The following INSR variants were observed in gnomAD, a reference collection of about 807,000 sequenced individuals.
INSR encodes IR.
A neutral mutation model predicts 142.6 loss-of-function variants in INSR; 67 were observed. The ratio of observed to expected loss-of-function variants is 0.47; its 90% CI spans 0.39 to 0.58. The LOEUF (loss-of-function observed/expected upper bound fraction) is 0.58. Ranked by LOEUF, INSR falls within the 20% of genes least tolerant of loss-of-function variation. INSR has a pLI of 0.00. For synonymous variants in INSR, 756 were observed against 743.1 expected, an observed-to-expected ratio of 1.02 and a Z score of -0.28; for missense variants, 1,248 against 1,833.2, an observed-to-expected ratio of 0.68 and a Z score of 5.83.
chr19:7,222,222 C>T (rs1975644141), intron 2 of INSR, among the ~76,000 whole-genome samples: 1 of 151,714 alleles, frequency 6.6e-6, no homozygotes. Context: ...TCCCCAACAT[C>T]TATCTAGCCC....
At chr19:7,204,145 C>G (rs1030224137) in intron 2 of INSR, among the ~76,000 whole-genome samples, 50 of 151,864 alleles carry the variant, frequency 3.3e-4, no homozygotes, top group Admixed American at 3.0e-3. Flanking sequence ...CGGGTTCAAG[C>G]AATTCTCCTG....
At chr19:7,211,627 A>C (rs1975276047) in intron 2 of INSR, among the ~76,000 whole-genome samples, 2 of 152,190 alleles carry the variant, frequency 1.3e-5, no homozygotes. Flanking sequence ...TCAGGAACCA[A>C]AACATGCACA....
rs1489289018 is a variant in INSR at position 7,168,777 on chromosome 19, T to A, written c.1484-683A>T. On this transcript the variant is annotated intron_variant, in intron 6 of 21. Coordinates refer to ENST00000302850, the MANE Select transcript of INSR (RefSeq NM_000208.4). The surrounding 1 kb of genome is among the most constrained non-coding windows in gnomAD (Gnocchi z 4.3). ...ACGTCCAGCTAGTTTTTGTATTTTT[T>A]TTTTTTAGTAGAGATGGAGTTTCAC... Among the ~76,000 whole-genome samples the A allele has an allele frequency of 6.6e-6, 1 of 151,862 alleles. No individual in the cohort carries two copies. Among genetic ancestry groups the A allele is most frequent in the African/African-American group, 2.4e-5 (1 of 41,324 alleles).
intron 2 of INSR, among the ~76,000 whole-genome samples, chr19:7,187,997 C>A (rs769480258): frequency 7.9e-5 from 12 of 152,036 alleles, no homozygotes; most frequent in African/African-American, 9.7e-5. Flanking sequence ...TTGCTAAATT[C>A]TTCTCCCAGG....
intron 13 of INSR, 110 bp downstream of exon 13, chr19:7,141,567 T>G: frequency 2.0e-6 from 3 of 1,487,800 alleles, no homozygotes; most frequent in Non-Finnish European, 2.8e-6. Context: ...CAGTACCTGA[T>G]GAGAGAAGCA....
At chr19:7,213,662 G>A (rs778645096) in intron 2 of INSR, among the ~76,000 whole-genome samples, 1 of 152,184 alleles carries the variant, frequency 6.6e-6, no homozygotes, top group Admixed American at 6.5e-5. Flanking sequence ...AGCAGAGAAA[G>A]ACTTCAGACA....
chr19:7,292,839 C>G (rs1241284773), intron 1 of INSR, among the ~76,000 whole-genome samples: 2 of 152,038 alleles, frequency 1.3e-5, no homozygotes, highest in Non-Finnish European at 2.9e-5. Flanking sequence ...TCAGGGGGAA[C>G]GAAAGGCTCA....
intron 2 of INSR, among the ~76,000 whole-genome samples, chr19:7,242,565 C>G (rs1291179334): frequency 1.3e-5 from 2 of 151,560 alleles, no homozygotes; most frequent in African/African-American, 4.9e-5. Context: ...TGGTGAAACC[C>G]CGTCTCTACT....
At chr19:7,291,887 G>A (rs962728142) in intron 1 of INSR, among the ~76,000 whole-genome samples, 1 of 152,186 alleles carries the variant, frequency 6.6e-6, no homozygotes, top group Middle Eastern at 3.4e-3. Context: ...CCGCCTCCCG[G>A]GTTTACGCCA....
At chr19:7,155,264 G>C (rs1044198414) in intron 9 of INSR, among the ~76,000 whole-genome samples, 2 of 152,126 alleles carry the variant, frequency 1.3e-5, no homozygotes, top group African/African-American at 4.8e-5. Context: ...GCCAGGCGTG[G>C]TGGCCCTCTC....
intron 9 of INSR, among the ~76,000 whole-genome samples, chr19:7,154,510 G>C (rs189410702): frequency 0.012 from 1,735 of 150,476 alleles, 76 homozygotes; most frequent in Admixed American, 0.077. Context: ...CATTGTGTTA[G>C]CCAGGATGGT....
intron 3 of INSR, among the ~76,000 whole-genome samples, chr19:7,175,571 A>AC (rs1485057623): frequency 9.9e-5 from 15 of 152,108 alleles, no homozygotes; most frequent in Non-Finnish European, 2.2e-4. Flanking sequence ...AAAGTGGCTC[A>AC]CGCCTGTAAT....
At chr19:7,175,867 G>T (rs73920304) in intron 3 of INSR, among the ~76,000 whole-genome samples, 3,347 of 151,442 alleles carry the variant, frequency 0.022, 125 homozygotes, top group African/African-American at 0.077. Flanking sequence ...ATTGCCAAAA[G>T]TCCCCTGGGG....
chr19:7,193,341 G>A (rs1254629108), intron 2 of INSR, among the ~76,000 whole-genome samples: 3 of 151,906 alleles, frequency 2.0e-5, no homozygotes, highest in South Asian at 2.1e-4. Context: ...GTGAGACTCC[G>A]TCTCCACGAA....
chr19:7,241,833 G>T (rs1600081430), intron 2 of INSR, among the ~76,000 whole-genome samples: 1 of 145,400 alleles, frequency 6.9e-6, no homozygotes, highest in East Asian at 2.0e-4. Flanking sequence ...CACTGTTGAG[G>T]CTGAGAAACC....
chr19:7,168,951 C>G lies in INSR; in HGVS notation c.1484-857G>C, dbSNP rs564666302. On this transcript the variant is annotated intron_variant, in intron 6 of 21. Transcript: ENST00000302850. This position sits in a 1 kb window ranked among gnomAD's most constrained non-coding sequence, Gnocchi z 4.3. ...GTAACTAACTCCCCATGAAGGTATC[C>G]CAGAAGCCCTTGGCAGCTCACTGTT... is the stretch of plus-strand genomic sequence containing the variant. Among the ~76,000 whole-genome samples, 1 of 152,154 alleles carries G rather than the reference C, an allele frequency of 6.6e-6. No homozygotes were observed. The highest frequency in any genetic ancestry group is 1.5e-5 in the Non-Finnish European group (1 of 68,022).
intron 2 of INSR, among the ~76,000 whole-genome samples, chr19:7,200,182 C>T (rs1024536410): frequency 9.2e-5 from 14 of 152,102 alleles, no homozygotes; most frequent in Admixed American, 1.3e-4. Flanking sequence ...AGAACACCAT[C>T]GGATTCACAT....
At chr19:7,118,864 G>A (rs1298005732) in intron 21 of INSR, among the ~76,000 whole-genome samples, 9 of 140,410 alleles carry the variant, frequency 6.4e-5, no homozygotes, top group Admixed American at 7.8e-5. Flanking sequence ...GAAGTCAGCC[G>A]AGCTCGCACC....
chr19:7,138,478 A>T (rs1363414640), intron 13 of INSR, among the ~76,000 whole-genome samples: 1 of 151,074 alleles, frequency 6.6e-6, no homozygotes, highest in African/African-American at 2.4e-5. Context: ...GAGCTCAAGC[A>T]ATTCTCTCCT....
Sources: gnomAD v4.1 joint callset for allele counts (sites outside exome capture counted in the v4.1 genomes callset) on GRCh38, gnomAD v4.1.1 for gene constraint, Gnocchi (gnomAD v3.1) non-coding constraint, MANE v1.5 for transcripts, NCBI Gene and HGNC (gene_info 2026-07-23, HGNC 2026-07-21) for gene names.